The following ADAMTS17 variants were observed in gnomAD, a reference collection of about 807,000 sequenced individuals.
The protein encoded by ADAMTS17 is A disintegrin and metalloproteinase with thrombospondin motifs 17.
In ADAMTS17, 113 loss-of-function variants were observed where a neutral mutation model predicts 141.5. The observed-to-expected ratio is 0.80, with a 90% CI of 0.69 to 0.93. The LOEUF (loss-of-function observed/expected upper bound fraction) is 0.93, where lower values mean the gene tolerates loss of function less well. ADAMTS17 is among the 40% of genes least tolerant of loss of function. The pLI, the probability that ADAMTS17 is intolerant of heterozygous loss-of-function variation, is 0.00. For synonymous variants in ADAMTS17, 768 were observed against 630.6 expected (o/e 1.22, Z -3.27); for missense variants, 1,659 against 1,517.9 (o/e 1.09, Z -1.54).
intron 15 of ADAMTS17, 68 bp from the exon 16 acceptor site, chr15:100,054,122 C>T (rs184544101): frequency 6.1e-5 from 97 of 1,590,100 alleles, no homozygotes; most frequent in Admixed American, 3.2e-4. Flanking sequence ...TGTCTTTAAA[C>T]GGAATCTACA....
rs752163220 is a variant in ADAMTS17 at position 99,972,532 on chromosome 15, T to G, written c.*1870A>C. ...CAGTTCATTTGGGGATGAAGAAAATTGAACCTCAGCGCCCCCAAAATTTTG... is the reference window on the plus strand; with the variant it reads ...CAGTTCATTTGGGGATGAAGAAAATGGAACCTCAGCGCCCCCAAAATTTTG... On this transcript the variant is annotated 3_prime_UTR_variant, in exon 22 of 22. Transcript: ENST00000268070. The G allele has an allele frequency of 6.6e-6, 1 of 152,152 alleles. No homozygotes were observed. Among genetic ancestry groups the G allele is most frequent in the Non-Finnish European group, 1.5e-5 (1 of 68,018 alleles). 9.4% of individuals were successfully genotyped at this position (152,152 alleles called of 1,614,324 possible).
At chr15:100,231,059 C>T (rs887755145) in intron 7 of ADAMTS17, among the ~76,000 whole-genome samples, 5 of 152,234 alleles carry the variant, frequency 3.3e-5, no homozygotes, top group Non-Finnish European at 7.3e-5. Flanking sequence ...CATCAGAACA[C>T]AGAGAGAGCG....
At chr15:100,277,240 T>C (rs1240882664) in intron 4 of ADAMTS17, among the ~76,000 whole-genome samples, 2 of 152,052 alleles carry the variant, frequency 1.3e-5, no homozygotes, top group African/African-American at 4.8e-5. Context: ...CCCCGGGCTC[T>C]TGAGCCACCA....
chr15:100,304,631 T>G (rs1038793341), intron 3 of ADAMTS17, among the ~76,000 whole-genome samples: 5 of 152,234 alleles, frequency 3.3e-5, no homozygotes, highest in African/African-American at 1.2e-4. Flanking sequence ...CACTGTCTTC[T>G]TTCCTTTGCC....
At chr15:100,340,923 C>T (rs2046344452) in intron 2 of ADAMTS17, 116 bp downstream of exon 2, 1 of 1,456,036 alleles carries the variant, frequency 6.9e-7, no homozygotes, top group Non-Finnish European at 9.2e-7. Flanking sequence ...GGGGTTCCCT[C>T]CGGTTCCCCT....
chr15:100,083,427 T>C (rs1225204206), intron 15 of ADAMTS17, among the ~76,000 whole-genome samples: 1 of 152,218 alleles, frequency 6.6e-6, no homozygotes, highest in African/African-American at 2.4e-5. Context: ...ATAGAGGAAC[T>C]TCCACCTGAG....
intron 8 of ADAMTS17, among the ~76,000 whole-genome samples, chr15:100,155,656 C>T (rs939113499): frequency 6.6e-6 from 1 of 152,232 alleles, no homozygotes; most frequent in African/African-American, 2.4e-5. Flanking sequence ...TGTTTTCTTA[C>T]ATTAAATATT....
chr15:100,001,833 G>T (rs1014040733), intron 18 of ADAMTS17, among the ~76,000 whole-genome samples: 2 of 150,058 alleles, frequency 1.3e-5, no homozygotes, highest in Non-Finnish European at 2.9e-5. Context: ...GCCCCCCGTG[G>T]TGGTGTGCAT....
chr15:100,234,364 C>A (rs2141863111), intron 7 of ADAMTS17, among the ~76,000 whole-genome samples: 1 of 152,294 alleles, frequency 6.6e-6, no homozygotes, highest in South Asian at 2.1e-4. Flanking sequence ...CACCGCCTGG[C>A]ATATGGTAGT....
intron 4 of ADAMTS17, among the ~76,000 whole-genome samples, chr15:100,270,098 G>T (rs1226413528): frequency 6.6e-6 from 1 of 152,136 alleles, no homozygotes; most frequent in Non-Finnish European, 1.5e-5. Flanking sequence ...AGGTGGATCT[G>T]CTCTGACTGC....
At chr15:100,156,463 C>T (rs890124062) in intron 8 of ADAMTS17, among the ~76,000 whole-genome samples, 1 of 152,202 alleles carries the variant, frequency 6.6e-6, no homozygotes, top group Non-Finnish European at 1.5e-5. Flanking sequence ...GCCTGGCGCT[C>T]ATGTGTTCTG....
intron 3 of ADAMTS17, among the ~76,000 whole-genome samples, chr15:100,317,703 G>C (rs2045609625): frequency 6.6e-6 from 1 of 152,176 alleles, no homozygotes; most frequent in Non-Finnish European, 1.5e-5. Context: ...GTCAGCAAAA[G>C]AAATAGTAAG....
At chr15:100,231,223 A>C (rs376151740) in intron 7 of ADAMTS17, among the ~76,000 whole-genome samples, 14 of 152,208 alleles carry the variant, frequency 9.2e-5, no homozygotes, top group African/African-American at 3.4e-4. Flanking sequence ...TTCTGAACTC[A>C]TGCCATTTGT....
intron 7 of ADAMTS17, among the ~76,000 whole-genome samples, chr15:100,243,663 G>A (rs867569694): frequency 2.8e-4 from 43 of 152,220 alleles, no homozygotes; most frequent in African/African-American, 9.1e-4. Context: ...AATGGCGCAT[G>A]CCTGTAATCC....
chr15:100,022,577 T>C (rs2061425372), intron 18 of ADAMTS17, among the ~76,000 whole-genome samples: 1 of 152,160 alleles, frequency 6.6e-6, no homozygotes, highest in African/African-American at 2.4e-5. Flanking sequence ...GACACAGTAA[T>C]TAGTCTCAAT....
chr15:100,316,293 G>C (rs1051255956), intron 3 of ADAMTS17, among the ~76,000 whole-genome samples: 4 of 152,092 alleles, frequency 2.6e-5, no homozygotes. Context: ...TGTGACGCTG[G>C]CCTTTGATTT....
chr15:100,068,395 A>AC (rs2033711391), intron 15 of ADAMTS17, among the ~76,000 whole-genome samples: 2 of 152,224 alleles, frequency 1.3e-5, no homozygotes, highest in African/African-American at 4.8e-5. Context: ...GACAGCCTTG[A>AC]AGAGAGTAGT....
rs760862379 is a variant in ADAMTS17 at position 100,037,492 on chromosome 15, C to T, written c.2591+11365G>A. 2.0e-5 allele frequency among the ~76,000 whole-genome samples: 3 copies of T among 151,706 alleles called. 1 individual carries two copies. The highest frequency in any genetic ancestry group is 7.3e-5 in the African/African-American group (3 of 41,262). On this transcript the variant is annotated intron_variant, in intron 18 of 21. Transcript: ENST00000268070. ...GTGGCGCAATTTCGGCTCACTGCAA[C>T]CTTCGCCTCTGGGGCTCAAGCCATT...
chr15:100,217,498 C>G (rs184065860), intron 7 of ADAMTS17, among the ~76,000 whole-genome samples: 132 of 152,204 alleles, frequency 8.7e-4, no homozygotes, highest in Non-Finnish European at 1.6e-3. Context: ...ACTCGGGAGG[C>G]TGAGGCAGGA....
Sources: gnomAD v4.1 joint callset for allele counts (sites outside exome capture counted in the v4.1 genomes callset) on GRCh38, gnomAD v4.1.1 for gene constraint, MANE v1.5 for transcripts, NCBI Gene and HGNC (gene_info 2026-07-23, HGNC 2026-07-21) for gene names.